ANO1: variants seen among roughly 807,000 people sequenced by gnomAD.
ANO1 encodes the protein anoctamin-1.
ANO1 carries 59 observed loss-of-function variants against 124.0 expected under a neutral mutation model. The observed-to-expected ratio is 0.48, with a 90% CI of 0.39 to 0.59. ANO1 has a LOEUF of 0.59. ANO1 is among the 20% of genes least tolerant of loss of function. The pLI is 0.00. For synonymous variants in ANO1, 529 were observed against 532.0 expected (o/e 0.99, Z 0.08); for missense variants, 1,059 against 1,328.0 (o/e 0.80, Z 3.15).
intron 1 of ANO1, among the ~76,000 whole-genome samples, chr11:70,050,702 C>A (rs180727860): frequency 6.6e-6 from 1 of 152,156 alleles, no homozygotes; most frequent in African/African-American, 2.4e-5. Context: ...GTTCTAGTTC[C>A]CCTCAGGAGT....
intron 9 of ANO1, among the ~76,000 whole-genome samples, 173 bp downstream of exon 9, chr11:70,124,587 GC>G (rs374203716): frequency 1.3e-5 from 2 of 152,320 alleles, no homozygotes; most frequent in African/African-American, 4.8e-5. Flanking sequence ...GCCTGGGCCA[GC>G]ATTAGATGAA....
intron 2 of ANO1, among the ~76,000 whole-genome samples, chr11:70,091,133 G>C (rs759748839): frequency 1.3e-4 from 20 of 152,244 alleles, no homozygotes; most frequent in Non-Finnish European, 2.5e-4. Context: ...TGCCAGCGTG[G>C]TTAGCAGACA....
intron 2 of ANO1, among the ~76,000 whole-genome samples, chr11:70,095,906 T>G (rs1485607060): frequency 6.6e-6 from 1 of 152,232 alleles, no homozygotes; most frequent in Non-Finnish European, 1.5e-5. Flanking sequence ...TTGGTTCTTT[T>G]CCAAGTCAGC....
intron 11 of ANO1, among the ~76,000 whole-genome samples, chr11:70,145,640 A>C (rs1479186750): frequency 6.6e-6 from 1 of 152,068 alleles, no homozygotes; most frequent in Admixed American, 6.6e-5. Flanking sequence ...TTAGAGCAAG[A>C]ATACCACGGT....
intron 2 of ANO1, among the ~76,000 whole-genome samples, chr11:70,091,449 C>T (rs1202082960): frequency 2.0e-5 from 3 of 152,166 alleles, no homozygotes; most frequent in Admixed American, 2.0e-4. Flanking sequence ...CTCTACCTGG[C>T]CAGTAGCACC....
At chr11:69,994,086 C>T (rs142431186) in intron 1 of ANO1, among the ~76,000 whole-genome samples, 138 of 96,852 alleles carry the variant, frequency 1.4e-3, no homozygotes, top group African/African-American at 4.5e-3. Flanking sequence ...TGATTTTACA[C>T]CCCCAATTTG....
At chr11:70,085,628 G>A (rs2044343196) in intron 1 of ANO1, 1 of 1,533,724 alleles carries the variant, frequency 6.5e-7, no homozygotes, top group African/African-American at 1.4e-5. Context: ...CCCCTAACCA[G>A]GGGTAGAGGA....
chr11:70,089,415 G>A (rs940917978), intron 2 of ANO1, among the ~76,000 whole-genome samples: 1 of 152,206 alleles, frequency 6.6e-6, no homozygotes, highest in Non-Finnish European at 1.5e-5. Context: ...AAACGCCTCT[G>A]TTTTGTGACA....
Position 70,119,763 on chromosome 11 carries a change from G to A in ANO1, c.897+3264G>A, listed in dbSNP as rs188305284. The stretch of plus-strand genomic sequence containing the variant: ...TTGATGGTTGGATAGGTGGATGATA[G>A]ATGGATGGGTGGATGGTTGATGGGT... On this transcript the variant is annotated intron_variant, in intron 8 of 25. Transcript: ENST00000355303. 5.4e-3 allele frequency among the ~76,000 whole-genome samples: 826 copies of A among 152,018 alleles called. 31 individuals are homozygous for A. Among genetic ancestry groups the A allele is most frequent in the Non-Finnish European group, 1.4e-3 (92 of 67,960 alleles).
At chr11:70,031,581 G>A (rs1210440265) in intron 1 of ANO1, among the ~76,000 whole-genome samples, 4 of 152,164 alleles carry the variant, frequency 2.6e-5, no homozygotes, top group Non-Finnish European at 4.4e-5. Context: ...CATTCAAGGT[G>A]AGCCGTTGAG....
intron 1 of ANO1, among the ~76,000 whole-genome samples, chr11:70,057,273 A>C (rs1555007022): frequency 3.3e-5 from 5 of 152,204 alleles, no homozygotes; most frequent in Non-Finnish European, 1.5e-5. Flanking sequence ...TCTTTTTGGC[A>C]GGCAGAATGC....
intron 4 of ANO1, 139 bp from the exon 5 acceptor site, chr11:70,105,595 A>C: frequency 1.3e-6 from 1 of 768,644 alleles, no homozygotes; most frequent in Non-Finnish European, 2.2e-6. Flanking sequence ...CGGACGGGTC[A>C]TACCTGGCGT....
At chr11:70,006,467 T>C (rs1331450453) in intron 1 of ANO1, among the ~76,000 whole-genome samples, 1 of 151,990 alleles carries the variant, frequency 6.6e-6, no homozygotes, top group Non-Finnish European at 1.5e-5. Context: ...CTACCTCTGC[T>C]CTCTGCCCTG....
chr11:70,115,152 GTC>G (rs769496189), intron 7 of ANO1, among the ~76,000 whole-genome samples: 3 of 152,072 alleles, frequency 2.0e-5, no homozygotes, highest in Non-Finnish European at 4.4e-5. Context: ...CTCTCAGAGC[GTC>G]TTCGTTCCAA....
At chr11:70,150,709 A>C (rs1565252312) in intron 12 of ANO1, among the ~76,000 whole-genome samples, 1 of 151,986 alleles carries the variant, frequency 6.6e-6, no homozygotes, top group African/African-American at 2.4e-5. Flanking sequence ...GAATTGTTTA[A>C]TTTTTTTGTA....
intron 2 of ANO1, among the ~76,000 whole-genome samples, chr11:70,088,526 A>AAAG (rs1555014769): frequency 0.021 from 1,966 of 93,342 alleles, 134 homozygotes; most frequent in South Asian, 0.028. Flanking sequence ...AAAAAAAAAA[A>AAAG]AAGAAGAAGA....
intron 11 of ANO1, among the ~76,000 whole-genome samples, chr11:70,134,056 C>G (rs1397725552): frequency 6.6e-6 from 1 of 152,216 alleles, no homozygotes; most frequent in Non-Finnish European, 1.5e-5. Flanking sequence ...TCCCTCAAGA[C>G]CCTCCTCACC....
intron 1 of ANO1, among the ~76,000 whole-genome samples, chr11:70,065,892 C>T (rs1268637577): frequency 3.9e-5 from 6 of 152,196 alleles, no homozygotes; most frequent in Non-Finnish European, 4.4e-5. Context: ...CCACCCACGT[C>T]GTGTCTCCCC....
At position 70,174,488 on chromosome 11, in the gene ANO1, C is replaced by T. The variant is rs147984205; in HGVS notation, c.2350+3449C>T. ...GCCACCATGGCCGTCTTTGCACACC[C>T]GCTCTCAAGAGCAAGGCGAGATTGC... On this transcript the variant is annotated intron_variant, in intron 22 of 25. Coordinates refer to ENST00000355303, the MANE Select transcript of ANO1 (RefSeq NM_018043.7). 1.4e-3 allele frequency among the ~76,000 whole-genome samples: 213 copies of T among 152,312 alleles called. 1 individual carries two copies. Among genetic ancestry groups the T allele is most frequent in the African/African-American group, 4.9e-3 (203 of 41,576 alleles).
Sources: gnomAD v4.1 joint callset for allele counts (sites outside exome capture counted in the v4.1 genomes callset) on GRCh38, gnomAD v4.1.1 for gene constraint, MANE v1.5 for transcripts, NCBI Gene and HGNC (gene_info 2026-07-23, HGNC 2026-07-21) for gene names.